PPME1: variants seen among roughly 807,000 people sequenced by gnomAD.
PPME1 encodes testicular secretory protein Li 39.
In PPME1, 17 loss-of-function variants were observed where a neutral mutation model predicts 56.9. The observed-to-expected ratio is 0.30, with a 90% CI of 0.20 to 0.45. The LOEUF (loss-of-function observed/expected upper bound fraction) is 0.45. PPME1 is among the 20% of genes least tolerant of loss of function. PPME1 has a pLI of 1.00. For synonymous variants in PPME1, 122 were observed against 156.2 expected (o/e 0.78, Z 1.63); for missense variants, 357 against 483.2 (o/e 0.74, Z 2.45).
chr11:74,240,947 T>C (rs116361711), intron 9 of PPME1, among the ~76,000 whole-genome samples: 28 of 152,376 alleles, frequency 1.8e-4, no homozygotes, highest in African/African-American at 6.7e-4. Context: ...ATTTTACAAC[T>C]TAGGTACAGA....
Position 74,171,351 on chromosome 11 carries a change from C to A in PPME1, c.-71C>A. 6.5e-7 allele frequency: 1 copy of A among 1,536,634 alleles called. No homozygotes were observed. ...CGTCGTTAGGGGAGCGAGTCGTGAC[C>A]GGTTGGGCCACACTCAACGTGGGAC... On this transcript the variant is annotated 5_prime_UTR_variant, in exon 1 of 14. Coordinates refer to ENST00000328257, the MANE Select transcript of PPME1 (RefSeq NM_016147.3).
At chr11:74,221,976 A>T (rs968413469) in intron 3 of PPME1, among the ~76,000 whole-genome samples, 12 of 152,200 alleles carry the variant, frequency 7.9e-5, no homozygotes, top group African/African-American at 2.9e-4. Context: ...CAGAGTAAGG[A>T]AAAGATATCC....
intron 7 of PPME1, among the ~76,000 whole-genome samples, chr11:74,232,860 ATTTTTTTT>A (rs35057762): frequency 1.1e-5 from 1 of 93,862 alleles, no homozygotes; most frequent in Admixed American, 1.1e-4. Context: ...TTGTTATTTG[ATTTTTTTT>A]TTTTTTTTTT....
chr11:74,217,606 G>C (rs897166565), intron 3 of PPME1, among the ~76,000 whole-genome samples: 2 of 150,746 alleles, frequency 1.3e-5, no homozygotes, highest in African/African-American at 4.9e-5. Context: ...TTTATTCTAG[G>C]ATGTGAGGAT....
At chr11:74,198,332 C>G (rs1383418025) in intron 1 of PPME1, among the ~76,000 whole-genome samples, 2 of 152,084 alleles carry the variant, frequency 1.3e-5, no homozygotes, top group Admixed American at 1.3e-4. Context: ...TTAACTGATC[C>G]CATCCTTTTC....
chr11:74,235,179 T>C (rs1386374420), intron 7 of PPME1, among the ~76,000 whole-genome samples: 1 of 152,220 alleles, frequency 6.6e-6, no homozygotes, highest in Non-Finnish European at 1.5e-5. Flanking sequence ...AGTGGCTTGC[T>C]TCAGGCAGTG....
chr11:74,193,214 G>A (rs1005672599), intron 1 of PPME1, among the ~76,000 whole-genome samples: 3 of 152,218 alleles, frequency 2.0e-5, no homozygotes, highest in Non-Finnish European at 2.9e-5. Flanking sequence ...TATTAGTAAC[G>A]TGTAAGTTCA....
At chr11:74,179,185 C>T (rs1007540218) in intron 1 of PPME1, among the ~76,000 whole-genome samples, 1 of 152,208 alleles carries the variant, frequency 6.6e-6, no homozygotes, top group African/African-American at 2.4e-5. Context: ...GACATCCTCT[C>T]TCTGCCACTA....
intron 3 of PPME1, among the ~76,000 whole-genome samples, chr11:74,211,960 C>T (rs1174467049): frequency 2.0e-5 from 3 of 152,220 alleles, no homozygotes; most frequent in Non-Finnish European, 1.5e-5. Flanking sequence ...AAATAGAAGC[C>T]TCCACTTGTC....
Position 74,253,655 on chromosome 11 carries a change from A to G in PPME1, c.*145A>G. On this transcript the variant is annotated 3_prime_UTR_variant, in exon 14 of 14. Coordinates refer to ENST00000328257, the MANE Select transcript of PPME1 (RefSeq NM_016147.3). ...TAGACGGGCACCCCGAGATGTACCA[A>G]CCTTTTCATGTATTCTGCCAAAAGC... 3.5e-6 allele frequency: 3 copies of G among 865,968 alleles called. No individual in the cohort carries two copies. Among genetic ancestry groups the G allele is most frequent in the South Asian group, 1.4e-5 (1 of 69,152 alleles). The allele number at this position is 865,968 out of a possible 1,614,324, so 53.6% of individuals were successfully genotyped here.
intron 1 of PPME1, among the ~76,000 whole-genome samples, chr11:74,196,045 T>C (rs1224253567): frequency 1.3e-5 from 2 of 152,230 alleles, no homozygotes; most frequent in Non-Finnish European, 1.5e-5. Flanking sequence ...AAGTACTTAC[T>C]AATAATCACT....
intron 11 of PPME1, chr11:74,248,781 A>G (rs1859576129): frequency 2.6e-5 from 4 of 152,244 alleles, no homozygotes; most frequent in Admixed American, 2.0e-4. Flanking sequence ...CCTATGCATG[A>G]TGCTGGGCAG....
At chr11:74,236,888 C>G (rs1213354283) in intron 8 of PPME1, among the ~76,000 whole-genome samples, 1 of 152,174 alleles carries the variant, frequency 6.6e-6, no homozygotes, top group Non-Finnish European at 1.5e-5. Context: ...TCTTTAATAT[C>G]ATCAAATATC....
chr11:74,173,296 T>TA (rs1267795652), intron 1 of PPME1, among the ~76,000 whole-genome samples: 17 of 152,198 alleles, frequency 1.1e-4, no homozygotes, highest in Non-Finnish European at 2.5e-4. Context: ...CTGCCTTTCT[T>TA]AAAATAAATT....
intron 4 of PPME1, 57 bp downstream of exon 4, chr11:74,222,426 A>C: frequency 2.8e-6 from 4 of 1,423,784 alleles, no homozygotes; most frequent in African/African-American, 1.4e-5. Context: ...GCCCCTTTGA[A>C]TAGTTGTAAC....
In PPME1 at chr11:74,236,876, A is replaced by G. The variant is rs892277997; in HGVS notation, c.710+910A>G. The stretch of plus-strand genomic sequence containing the variant: ...ATTATTACACGTAAAAAAATTGGCA[A>G]TTCTTTAATATCATCAAATATCTAA... On this transcript the variant is annotated intron_variant, in intron 8 of 13. Coordinates refer to ENST00000328257, the MANE Select transcript of PPME1 (RefSeq NM_016147.3). Among the ~76,000 whole-genome samples, 8 of 152,350 alleles carry G rather than the reference A, an allele frequency of 5.3e-5. No homozygotes were observed. In the East Asian group the frequency reaches 9.6e-4, roughly 18 times the overall value.
chr11:74,215,179 C>T (rs557583573), intron 3 of PPME1, among the ~76,000 whole-genome samples: 59 of 152,164 alleles, frequency 3.9e-4, no homozygotes, highest in African/African-American at 1.4e-3. Flanking sequence ...GACCACATCT[C>T]TACAACAAAA....
chr11:74,222,343 T>C lies in PPME1; in HGVS notation c.320T>C (p.Ile107Thr), dbSNP rs775996554. The change falls in exon 4 of 14, where the codon ATT becomes ACT. Residue 107 changes from isoleucine (I) to threonine (T), a missense_variant. Physicochemically the swap from Ile to Thr is moderately conservative, Grantham distance 89 (BLOSUM62 -1). This residue lies in a region of PPME1 where 175 missense variants were observed against 189.4 expected (regional missense o/e 0.92). Transcript: ENST00000328257. ...ATTATTAGTAGAGTTCAGTGTAGGATTGTAGCTTTGGATCTGCGAAGTCAT... is the reference window on the plus strand; with the variant it reads ...ATTATTAGTAGAGTTCAGTGTAGGACTGTAGCTTTGGATCTGCGAAGTCAT... ...AAIISRVQCR[I>T]VALDLRSHGE... 9 of 1,612,150 alleles carry C rather than the reference T, an allele frequency of 5.6e-6. No individual in the cohort carries two copies. Among genetic ancestry groups the C allele is most frequent in the African/African-American group, 1.3e-5 (1 of 75,006 alleles).
intron 1 of PPME1, 134 bp downstream of exon 1, chr11:74,171,656 A>T (rs1465718045): frequency 8.4e-7 from 1 of 1,193,994 alleles, no homozygotes. Flanking sequence ...AGATATTTAG[A>T]TGGAGTAGAA....
Sources: allele counts gnomAD v4.1 joint callset (sites outside exome capture counted in the v4.1 genomes callset), GRCh38; gene constraint gnomAD v4.1.1; regional missense constraint gnomAD v4.1.1; transcripts MANE v1.5; gene names NCBI Gene and HGNC (gene_info 2026-07-23, HGNC 2026-07-21).